PARVB: variants seen among roughly 807,000 people sequenced by gnomAD.
The protein encoded by PARVB is beta-parvin.
Under a neutral mutation model 47.0 loss-of-function variants are expected in PARVB, and 46 were observed. The ratio of observed to expected loss-of-function variants is 0.98; its 90% confidence interval spans 0.77 to 1.25. The LOEUF (loss-of-function observed/expected upper bound fraction) is 1.25. Among genes scored for constraint, PARVB ranks in the 50% most tolerant of loss-of-function variants. The pLI is 0.00. For synonymous variants in PARVB, 196 were observed against 196.3 expected (o/e 1.00, Z 0.01); for missense variants, 473 against 471.6 (o/e 1.00, Z -0.03).
rs2054282308 is a variant in PARVB at position 44,172,891 on chromosome 22, G to A, written c.*4213G>A. On this transcript the variant is annotated 3_prime_UTR_variant, in exon 13 of 13. Coordinates refer to ENST00000338758, the MANE Select transcript of PARVB (RefSeq NM_013327.5). Reference sequence around the variant, plus strand: ...AGGGATGCGGTTAGGACAATGCCACGTGGCGTCACAGTATGCTGTTATTTA... The same window carrying A: ...AGGGATGCGGTTAGGACAATGCCACATGGCGTCACAGTATGCTGTTATTTA... 3.9e-6 allele frequency: 4 copies of A among 1,033,922 alleles called. No individual in the cohort carries two copies. Among genetic ancestry groups the A allele is most frequent in the South Asian group, 1.4e-5 (1 of 69,620 alleles). The allele number at this position is 1,033,922 out of a possible 1,614,324, so 64.0% of individuals were successfully genotyped here.
At chr22:44,000,046 G>A (rs142780018) in intron 2 of PARVB, among the ~76,000 whole-genome samples, 1,591 of 152,082 alleles carry the variant, frequency 0.01, 7 homozygotes, top group Non-Finnish European at 0.015. Context: ...TGAGCCCAGG[G>A]TCAGGGGCCC....
intron 1 of PARVB, among the ~76,000 whole-genome samples, chr22:44,040,643 C>T (rs2051001895): frequency 6.6e-6 from 1 of 152,184 alleles, no homozygotes; most frequent in Non-Finnish European, 1.5e-5. Flanking sequence ...AGAGGGAATG[C>T]AGCCCTGCTG....
chr22:44,076,089 C>T (rs1282914463), intron 1 of PARVB, among the ~76,000 whole-genome samples: 2 of 152,230 alleles, frequency 1.3e-5, no homozygotes, highest in African/African-American at 4.8e-5. Context: ...GAAGGAGGAC[C>T]GCCTGCCTCA....
At chr22:44,035,721 A>C (rs1017864545) in intron 1 of PARVB, among the ~76,000 whole-genome samples, 2 of 151,828 alleles carry the variant, frequency 1.3e-5, no homozygotes, top group Non-Finnish European at 2.9e-5. Context: ...GCTTTGTATG[A>C]GTCCCATAGT....
Position 44,168,678 on chromosome 22 carries a change from A to G in PARVB, c.1095A>G (p.Ter365TrpextTer80), listed in dbSNP as rs778390496. 2 of 1,604,058 alleles carry G rather than the reference A, an allele frequency of 1.2e-6. No homozygotes were observed. The highest frequency in any genetic ancestry group is 1.1e-5 in the South Asian group (1 of 90,886). Reference sequence around the variant, plus strand: ...TCACCAAGTACAAGAACGTGGAGTGACGGGGGAGCTGTGGATGGTGGCAGG... The same window carrying G: ...TCACCAAGTACAAGAACGTGGAGTGGCGGGGGAGCTGTGGATGGTGGCAGG... Reference protein sequence around the residue: ...NLFTKYKNVE* With the variant: ...NLFTKYKNVEW The change falls in exon 13 of 13, where the codon TGA becomes TGG. Residue 365 changes from the stop codon to tryptophan (W), a stop_lost. Transcript: ENST00000338758.
At chr22:44,102,056 G>A (rs966246250) in intron 3 of PARVB, among the ~76,000 whole-genome samples, 5 of 152,226 alleles carry the variant, frequency 3.3e-5, no homozygotes, top group Non-Finnish European at 7.3e-5. Flanking sequence ...TACGGAGGCT[G>A]AGAAGTCCCC....
intron 12 of PARVB, among the ~76,000 whole-genome samples, chr22:44,165,698 A>G (rs934598615): frequency 1.3e-5 from 2 of 152,228 alleles, no homozygotes; most frequent in African/African-American, 2.4e-5. Context: ...TTCATCACAC[A>G]GGACTTGTCA....
At chr22:44,024,834 ACT>A in intron 1 of PARVB, among the ~76,000 whole-genome samples, 1 of 151,972 alleles carries the variant, frequency 6.6e-6, no homozygotes, top group Admixed American at 6.5e-5. Flanking sequence ...TGTGCAGGGC[ACT>A]CTGGGCAGAC....
chr22:44,032,927 T>C (rs575355645), intron 1 of PARVB, among the ~76,000 whole-genome samples: 1 of 152,214 alleles, frequency 6.6e-6, no homozygotes, highest in Non-Finnish European at 1.5e-5. Context: ...TCTAGTGCTG[T>C]GTCATTTCAG....
intron 1 of PARVB, among the ~76,000 whole-genome samples, chr22:44,040,942 G>T (rs1269361994): frequency 1.3e-5 from 2 of 152,004 alleles, no homozygotes; most frequent in East Asian, 3.9e-4. Context: ...GGCAGAGCTT[G>T]CAGTGAGCCG....
Position 44,103,419 on chromosome 22 carries a change from T to C in PARVB, c.273+3296T>C, listed in dbSNP as rs1425215237. ...GCTCATGCACCTGCCTCACCTCCCTTCCCCTCCCTGTTGCTCGTCTAGGGT... is the reference window on the plus strand; with the variant it reads ...GCTCATGCACCTGCCTCACCTCCCTCCCCCTCCCTGTTGCTCGTCTAGGGT... On this transcript the variant is annotated intron_variant, in intron 3 of 12. Coordinates refer to ENST00000338758, the MANE Select transcript of PARVB (RefSeq NM_013327.5). The surrounding 1 kb of genome is among the most constrained non-coding windows in gnomAD (Gnocchi z 4.6). 6.6e-6 allele frequency: 1 copy of C among 152,052 alleles called. No individual in the cohort carries two copies. Among genetic ancestry groups the C allele is most frequent in the East Asian group, 1.9e-4 (1 of 5,180 alleles). 9.4% of individuals were successfully genotyped at this position (152,052 alleles called of 1,614,324 possible).
intron 1 of PARVB, among the ~76,000 whole-genome samples, chr22:44,082,928 T>C (rs1490404270): frequency 1.3e-5 from 2 of 152,156 alleles, no homozygotes; most frequent in Non-Finnish European, 2.9e-5. Context: ...CCAGATGGAC[T>C]CCTTCCATCT....
At position 44,168,736 on chromosome 22, in the gene PARVB, T is replaced by C; in HGVS notation, c.*58T>C. The C allele has an allele frequency of 8.3e-7, 1 of 1,211,590 alleles. No homozygotes were observed. The highest frequency in any genetic ancestry group is 1.2e-5 in the South Asian group (1 of 82,900). The allele number at this position is 1,211,590 out of a possible 1,614,324, so 75.1% of individuals were successfully genotyped here. ...CAGCAAGAAAGGCGGCATCCGTCTG[T>C]GCCCTGTGCCTTTCCAGGGAGCCAG... On this transcript the variant is annotated 3_prime_UTR_variant, in exon 13 of 13. Coordinates refer to ENST00000338758, the MANE Select transcript of PARVB (RefSeq NM_013327.5).
chr22:44,054,728 C>T (rs1601533363), intron 1 of PARVB, among the ~76,000 whole-genome samples: 1 of 152,218 alleles, frequency 6.6e-6, no homozygotes, highest in East Asian at 1.9e-4. Flanking sequence ...GTGGCTCACA[C>T]CTGTAATCCC....
chr22:44,168,543 A>C, intron 12 of PARVB, 59 bp from the exon 13 acceptor site: 7 of 1,120,846 alleles, frequency 6.2e-6, no homozygotes, highest in Non-Finnish European at 9.6e-6. Flanking sequence ...TTCTGAGAGT[A>C]CCTACCGCAA....
At chr22:44,154,905 G>A (rs1271031275) in intron 10 of PARVB, among the ~76,000 whole-genome samples, 1 of 120,516 alleles carries the variant, frequency 8.3e-6, no homozygotes, top group Non-Finnish European at 1.7e-5. Flanking sequence ...GTAGTGTGTG[G>A]TGTGTGTGTG....
chr22:44,083,259 A>G (rs1019812240), intron 1 of PARVB, among the ~76,000 whole-genome samples: 1 of 152,168 alleles, frequency 6.6e-6, no homozygotes, highest in African/African-American at 2.4e-5. Flanking sequence ...GAAATTATCT[A>G]TGTAGCTCCA....
At chr22:44,018,996 C>A (rs545819671) in intron 2 of PARVB, among the ~76,000 whole-genome samples, 1 of 152,292 alleles carries the variant, frequency 6.6e-6, no homozygotes, top group Non-Finnish European at 1.5e-5. Context: ...TGGCTCACTG[C>A]AACCTCCACC....
intron 8 of PARVB, chr22:44,143,270 G>C (rs1184919279): frequency 6.6e-6 from 1 of 152,394 alleles, no homozygotes; most frequent in Admixed American, 6.5e-5. Context: ...CCTCTTCCCT[G>C]TGCCAGTGTT....
Sources: gnomAD v4.1 joint callset for allele counts (sites outside exome capture counted in the v4.1 genomes callset) on GRCh38, gnomAD v4.1.1 for gene constraint, Gnocchi (gnomAD v3.1) non-coding constraint, MANE v1.5 for transcripts, NCBI Gene and HGNC (gene_info 2026-07-23, HGNC 2026-07-21) for gene names.